Variants in CABLES1 observed in about 807,000 individuals in gnomAD.
CABLES1 encodes Cdk5 and Abl enzyme substrate 1, also known as CDK5 and ABL1 enzyme substrate 1.
Under a neutral mutation model 57.8 loss-of-function variants are expected in CABLES1, and 36 were observed. The ratio of observed to expected loss-of-function variants is 0.62; its 90% CI spans 0.48 to 0.82. The LOEUF (loss-of-function observed/expected upper bound fraction) is 0.82. Ranked by LOEUF, CABLES1 falls within the 40% of genes least tolerant of loss-of-function variation. CABLES1 has a pLI of 0.00. For synonymous variants in CABLES1, 374 were observed against 363.0 expected (o/e 1.03, Z -0.35); for missense variants, 767 against 836.6 (o/e 0.92, Z 1.03).
intron 1 of CABLES1, among the ~76,000 whole-genome samples, chr18:23,173,774 G>A (rs1057477390): frequency 3.3e-5 from 5 of 152,120 alleles, no homozygotes; most frequent in African/African-American, 1.2e-4. Context: ...ACTGTCCTGG[G>A]CAACATGTCA....
Position 23,206,832 on chromosome 18 carries a change from T to TG in CABLES1, c.1011-7144dup, listed in dbSNP as rs2047367391. On this transcript the variant is annotated intron_variant, in intron 3 of 9. Transcript: ENST00000256925. ...GTTTGTGCACCTTTTTTTTTTTTTTTGCGACGGGGTCTTGCTCTGTCACCC... is the reference window on the plus strand; with the variant it reads ...GTTTGTGCACCTTTTTTTTTTTTTTTGGCGACGGGGTCTTGCTCTGTCACCC... 4.6e-5 allele frequency among the ~76,000 whole-genome samples: 7 copies of TG among 151,448 alleles called. No individual in the cohort carries two copies. The South Asian group carries it at 1.5e-3, about 32-fold the overall frequency.
intron 7 of CABLES1, among the ~76,000 whole-genome samples, chr18:23,239,169 C>A (rs905554482): frequency 2.0e-5 from 3 of 152,214 alleles, no homozygotes; most frequent in Non-Finnish European, 4.4e-5. Context: ...TATACACATA[C>A]AACTTTTCCT....
intron 1 of CABLES1, among the ~76,000 whole-genome samples, chr18:23,143,337 T>C (rs1847133612): frequency 6.6e-6 from 1 of 152,174 alleles, no homozygotes; most frequent in Admixed American, 6.5e-5. Flanking sequence ...CCTCTCTGAC[T>C]CACCTGGTAC....
At chr18:23,163,483 C>T (rs1023614236) in intron 1 of CABLES1, among the ~76,000 whole-genome samples, 1 of 152,064 alleles carries the variant, frequency 6.6e-6, no homozygotes, top group African/African-American at 2.4e-5. Flanking sequence ...AGCAACAAAA[C>T]CAGGACAGGG....
chr18:23,190,838 G>A (rs117254920), intron 2 of CABLES1, among the ~76,000 whole-genome samples: 6,449 of 152,224 alleles, frequency 0.042, 221 homozygotes, highest in Non-Finnish European at 0.058. Flanking sequence ...CACTTGGGGA[G>A]GTGGAGGCAG....
At chr18:23,254,513 A>AAGAT (rs2145139216) in intron 9 of CABLES1, among the ~76,000 whole-genome samples, 1 of 152,358 alleles carries the variant, frequency 6.6e-6, no homozygotes, top group Admixed American at 6.5e-5. Flanking sequence ...ATCCATTGAG[A>AAGAT]AGATAGTTTG....
chr18:23,183,345 G>T (rs1420935340), intron 1 of CABLES1, among the ~76,000 whole-genome samples: 1 of 152,152 alleles, frequency 6.6e-6, no homozygotes, highest in Admixed American at 6.5e-5. Flanking sequence ...CTGCGTCCCG[G>T]GAGTATACAG....
chr18:23,145,599 A>C (rs2046887071), intron 1 of CABLES1, among the ~76,000 whole-genome samples: 1 of 152,214 alleles, frequency 6.6e-6, no homozygotes, highest in South Asian at 2.1e-4. Context: ...CCATTTAAAC[A>C]CCAAACTTTT....
chr18:23,208,827 TC>T (rs1442695023), intron 3 of CABLES1, among the ~76,000 whole-genome samples: 3 of 152,236 alleles, frequency 2.0e-5, no homozygotes, highest in Non-Finnish European at 4.4e-5. Context: ...TCTCAACTCT[TC>T]CAGCTTCCAG....
At chr18:23,246,529 C>A (rs1396609953) in intron 7 of CABLES1, among the ~76,000 whole-genome samples, 1 of 151,854 alleles carries the variant, frequency 6.6e-6, no homozygotes, top group Non-Finnish European at 1.5e-5. Context: ...GTAGCTGGGA[C>A]TACAGGCACC....
At chr18:23,218,988 G>A (rs1197374178) in intron 4 of CABLES1, 1 of 350,816 alleles carries the variant, frequency 2.9e-6, no homozygotes, top group African/African-American at 2.1e-5. Flanking sequence ...CACAATTATA[G>A]TAAATGTACA....
At chr18:23,182,537 C>T (rs187008479) in intron 1 of CABLES1, among the ~76,000 whole-genome samples, 31 of 152,370 alleles carry the variant, frequency 2.0e-4, no homozygotes, top group African/African-American at 7.5e-4. Flanking sequence ...TATCCAGCCA[C>T]ACCCGGACCA....
At chr18:23,205,609 A>G (rs557598148) in intron 3 of CABLES1, among the ~76,000 whole-genome samples, 2 of 152,302 alleles carry the variant, frequency 1.3e-5, no homozygotes, top group Admixed American at 1.3e-4. Flanking sequence ...TTTATTTGGA[A>G]ACAGAGTTGT....
In CABLES1 at chr18:23,135,859, C is replaced by T; in HGVS notation, c.97C>T (p.Pro33Ser). ...AGASGLQQPP[P>S]QPQPQPAAAA... ...CGCCAGCGGATTGCAGCAGCCGCCG[C>T]CGCAGCCCCAGCCTCAGCCCGCGGC... is the stretch of plus-strand genomic sequence containing the variant. Residue 33 changes from proline to serine, a missense_variant, in exon 1 of 10, where the codon CCG becomes TCG. By Grantham distance (74) the Pro-to-Ser change is moderately conservative. Around this residue, in one of 4 missense-constraint regions of CABLES1, gnomAD observed 198 missense variants for 149.7 expected, o/e 1.32. Coordinates refer to ENST00000256925, the MANE Select transcript of CABLES1 (RefSeq NM_001100619.3). 1 of 1,003,474 alleles carries T rather than the reference C, an allele frequency of 1.0e-6. No homozygotes were observed. Among genetic ancestry groups the T allele is most frequent in the Non-Finnish European group, 1.2e-6 (1 of 841,470 alleles). The allele number at this position is 1,003,474 out of a possible 1,614,324, so 62.2% of individuals were successfully genotyped here. A position where few individuals can be genotyped will look rare whatever the true frequency, so the allele number is the denominator to read the frequency against.
Position 23,218,592 on chromosome 18 carries a change from CCGCA to C in CABLES1, c.1088+4539_1088+4542del, listed in dbSNP as rs1568072600. 1.5e-3 allele frequency among the ~76,000 whole-genome samples: 136 copies of C among 91,424 alleles called. 4 individuals carry two copies. The highest frequency in any genetic ancestry group is 1.4e-3 in the Non-Finnish European group (65 of 45,950). The allele number at this position is 91,424 out of a possible 152,430, so 60.0% of individuals were successfully genotyped here. On this transcript the variant is annotated intron_variant, in intron 4 of 9. Transcript: ENST00000256925. ...CCCGCATCCTCACTTGCCCTGCCTCCCGCATCCTCACTTGCCCTGGCTCCCGCAT... is the reference window on the plus strand; with the variant it reads ...CCCGCATCCTCACTTGCCCTGCCTCCTCCTCACTTGCCCTGGCTCCCGCAT...
chr18:23,210,262 C>T (rs1299607447), intron 3 of CABLES1, among the ~76,000 whole-genome samples: 3 of 152,122 alleles, frequency 2.0e-5, no homozygotes, highest in Non-Finnish European at 4.4e-5. Flanking sequence ...TAATCTTTCA[C>T]GTAATATTTT....
rs1051040155 is a variant in CABLES1, at chr18:23,235,955, A to G, written c.1246A>G (p.Ile416Val). ...TGCCTTTGGAGCCCGGAGAAATACC[A>G]TAGACTCCACCTCCTCTTTCTCCCA... ...TNAFGARRNT[I>V]DSTSSFSQFR... Residue 416 changes from isoleucine to valine, a missense_variant, in exon 6 of 10, where the codon ATA becomes GTA. By Grantham distance (29) the Ile-to-Val change is conservative. This residue lies in a region of CABLES1 where 529 missense variants were observed against 622.8 expected (regional missense o/e 0.85). Transcript: ENST00000256925. 3 of 1,614,066 alleles carry G rather than the reference A, an allele frequency of 1.9e-6. No individual in the cohort carries two copies. Among genetic ancestry groups the G allele is most frequent in the African/African-American group, 1.3e-5 (1 of 74,910 alleles).
intron 1 of CABLES1, among the ~76,000 whole-genome samples, chr18:23,187,383 G>A (rs773016784): frequency 3.9e-5 from 6 of 152,196 alleles, no homozygotes; most frequent in Non-Finnish European, 8.8e-5. Context: ...GAGACAAGGA[G>A]GCTGTATGAT....
At chr18:23,171,758 G>A (rs990551851) in intron 1 of CABLES1, among the ~76,000 whole-genome samples, 6 of 152,072 alleles carry the variant, frequency 3.9e-5, no homozygotes, top group African/African-American at 9.7e-5. Context: ...CACGACTTGC[G>A]TCCTTAGAGG....
Sources: allele counts gnomAD v4.1 joint callset (sites outside exome capture counted in the v4.1 genomes callset), GRCh38; gene constraint gnomAD v4.1.1; regional missense constraint gnomAD v4.1.1; transcripts MANE v1.5; gene names NCBI Gene and HGNC (gene_info 2026-07-23, HGNC 2026-07-21).